Variants in NFYA observed in about 807,000 individuals in gnomAD.
NFYA encodes the protein CAAT-box DNA binding protein subunit A.
NFYA carries 28 observed loss-of-function variants against 52.8 expected under a neutral mutation model. That is an observed-to-expected ratio of 0.53 (90% CI 0.39 to 0.73). NFYA has a LOEUF of 0.73. NFYA is among the 30% of genes least tolerant of loss of function. The pLI is 0.00. For synonymous variants in NFYA, 150 were observed against 150.7 expected, an observed-to-expected ratio of 1.00 and a Z score of 0.03; for missense variants, 234 against 427.0, an observed-to-expected ratio of 0.55 and a Z score of 3.98.
At chr6:41,079,222 C>A in intron 2 of NFYA, 58 bp downstream of exon 2, 1 of 1,513,834 alleles carries the variant, frequency 6.6e-7, no homozygotes, top group Non-Finnish European at 9.2e-7. Flanking sequence ...CAGCACCACT[C>A]AATTGGTTGG....
intron 1 of NFYA, among the ~76,000 whole-genome samples, chr6:41,073,587 G>A (rs1370506080): frequency 4.6e-5 from 7 of 152,046 alleles, no homozygotes; most frequent in Non-Finnish European, 2.9e-5. Context: ...CTCCCAGCGA[G>A]CCGGGTCTGT....
intron 4 of NFYA, among the ~76,000 whole-genome samples, chr6:41,084,782 A>T (rs921188109): frequency 6.6e-6 from 1 of 152,164 alleles, no homozygotes; most frequent in Non-Finnish European, 1.5e-5. Flanking sequence ...GGCCAACATG[A>T]CAAAACCCCA....
At chr6:41,082,180 C>G (rs1436316791) in intron 3 of NFYA, among the ~76,000 whole-genome samples, 1 of 152,194 alleles carries the variant, frequency 6.6e-6, no homozygotes, top group Non-Finnish European at 1.5e-5. Context: ...TCCTTTCAAT[C>G]CCACCCCTAC....
intron 3 of NFYA, 128 bp from the exon 4 acceptor site, chr6:41,083,918 T>C (rs1008826332): frequency 1.4e-5 from 12 of 868,750 alleles, no homozygotes; most frequent in African/African-American, 1.0e-4. Flanking sequence ...TTGAGACATA[T>C]ATTTTCTTAG....
chr6:41,088,423 CAAAAAAA>C (rs34590854), intron 4 of NFYA, among the ~76,000 whole-genome samples: 19 of 64,724 alleles, frequency 2.9e-4, no homozygotes, highest in East Asian at 1.0e-3. Context: ...ACTCCGTCTC[CAAAAAAA>C]AAAAAAAAAA....
chr6:41,082,648 C>T (rs1216029984), intron 3 of NFYA, among the ~76,000 whole-genome samples: 1 of 152,126 alleles, frequency 6.6e-6, no homozygotes, highest in Non-Finnish European at 1.5e-5. Flanking sequence ...TAATAGAAAC[C>T]TTTCCTCTAG....
chr6:41,080,875 A>G lies in NFYA; in HGVS notation c.140A>G (p.Gln47Arg). 6.2e-7 allele frequency: 1 copy of G among 1,614,052 alleles called. No homozygotes were observed. Among genetic ancestry groups the G allele is most frequent in the Non-Finnish European group, 8.5e-7 (1 of 1,179,890 alleles). ...GCCCAGGTGGCATCCGCCTCAGGCCAGCAAGTCCAGACCCTCCAGGTAGTG... is the reference window on the plus strand; with the variant it reads ...GCCCAGGTGGCATCCGCCTCAGGCCGGCAAGTCCAGACCCTCCAGGTAGTG... Reference protein sequence around the residue: ...TEAQVASASGQQVQTLQVVQG... With the variant: ...TEAQVASASGRQVQTLQVVQG... Residue 47 changes from glutamine to arginine, a missense_variant, in exon 3 of 10, where the codon CAG becomes CGG. This residue lies in a region of NFYA where 118 missense variants were observed against 182.4 expected (regional missense o/e 0.65). Coordinates refer to ENST00000341376, the MANE Select transcript of NFYA (RefSeq NM_002505.5).
rs114634567 is a variant in NFYA at position 41,097,551 on chromosome 6, T to A, written c.*141T>A. ...AACCACTTAGTTTTTAATAAGTGGC[T>A]CAGTATTACAATTGCAGCGATGCCT... On this transcript the variant is annotated 3_prime_UTR_variant, in exon 10 of 10. Coordinates refer to ENST00000341376, the MANE Select transcript of NFYA (RefSeq NM_002505.5). The A allele has an allele frequency of 3.7e-6, 3 of 808,760 alleles. No individual in the cohort carries two copies. In the South Asian group the frequency reaches 5.2e-5, roughly 14 times the overall value. The allele number at this position is 808,760 out of a possible 1,614,324, so 50.1% of individuals were successfully genotyped here.
chr6:41,087,009 A>T (rs1280825047), intron 4 of NFYA, among the ~76,000 whole-genome samples: 1 of 152,212 alleles, frequency 6.6e-6, no homozygotes, highest in Non-Finnish European at 1.5e-5. Context: ...AAATAAAAGT[A>T]AACAAGGTGA....
rs538975038 is a variant in NFYA, at chr6:41,084,186, G to T, written c.303G>T (p.Leu101Phe). 1 of 1,613,834 alleles carries T rather than the reference G, an allele frequency of 6.2e-7. No homozygotes were observed. The highest frequency in any genetic ancestry group is 1.3e-5 in the African/African-American group (1 of 75,052). ...MQVPVSGTQG[L>F]QQIQLVPPGQ... is the part of the protein sequence containing the mutation. Reference sequence around the variant, plus strand: ...TACCTGTTTCTGGAACACAGGGTTTGCAGCAAGTGAGTAATATTTAAAAAT... The same window carrying T: ...TACCTGTTTCTGGAACACAGGGTTTTCAGCAAGTGAGTAATATTTAAAAAT... Residue 101 changes from leucine to phenylalanine, a missense_variant, in exon 4 of 10, where the codon TTG (leucine) becomes TTT (phenylalanine). Leu to Phe is a conservative substitution (Grantham distance 22, BLOSUM62 0). Coordinates refer to ENST00000341376, the MANE Select transcript of NFYA (RefSeq NM_002505.5).
At chr6:41,073,734 C>T (rs1252586258) in intron 1 of NFYA, among the ~76,000 whole-genome samples, 1 of 152,110 alleles carries the variant, frequency 6.6e-6, no homozygotes, top group African/African-American at 2.4e-5. Context: ...CCGCTGTCTC[C>T]CTGGTGGGGA....
At position 41,100,817 on chromosome 6, in the gene NFYA, C is replaced by G. The variant is rs1022125185; in HGVS notation, c.*3407C>G. On this transcript the variant is annotated 3_prime_UTR_variant, in exon 10 of 10. Transcript: ENST00000341376. ...TTGCTCCTTTGAAAGCGCAGACCGC[C>G]GCACCTCCAGCCCCTTCTCCCCGGG... 6.6e-6 allele frequency among the ~76,000 whole-genome samples: 1 copy of G among 152,316 alleles called. No individual in the cohort carries two copies. The highest frequency in any genetic ancestry group is 2.1e-4 in the South Asian group (1 of 4,832).
intron 1 of NFYA, among the ~76,000 whole-genome samples, chr6:41,074,618 G>A (rs560978823): frequency 4.3e-4 from 66 of 152,370 alleles, no homozygotes; most frequent in Non-Finnish European, 6.9e-4. Context: ...CACTGTTGGA[G>A]GCAGGAAGAT....
At position 41,097,459 on chromosome 6, in the gene NFYA, C is replaced by G; in HGVS notation, c.*49C>G. ...ATCAAGGTCATGTTTCTCACTGTTC[C>G]AGGAAATTGATCAACTCTTCCAATG... On this transcript the variant is annotated 3_prime_UTR_variant, in exon 10 of 10. Transcript: ENST00000341376. 1.3e-6 allele frequency: 2 copies of G among 1,586,940 alleles called. No individual in the cohort carries two copies. The highest frequency in any genetic ancestry group is 1.7e-6 in the Non-Finnish European group (2 of 1,156,268).
At chr6:41,076,031 A>G (rs1402316796) in intron 1 of NFYA, among the ~76,000 whole-genome samples, 1 of 152,216 alleles carries the variant, frequency 6.6e-6, no homozygotes, top group East Asian at 1.9e-4. Context: ...CTAGTCTTTC[A>G]TCAAGCGTCT....
chr6:41,089,853 C>T (rs1764154098), intron 5 of NFYA, 143 bp downstream of exon 5: 2 of 1,162,450 alleles, frequency 1.7e-6, no homozygotes. Context: ...GGCGCGGTGG[C>T]TCATGCCTGT....
At chr6:41,078,414 A>G (rs1763799796) in intron 1 of NFYA, among the ~76,000 whole-genome samples, 1 of 152,200 alleles carries the variant, frequency 6.6e-6, no homozygotes, top group Non-Finnish European at 1.5e-5. Context: ...AGAAAGACCT[A>G]TCTACATTTT....
intron 1 of NFYA, among the ~76,000 whole-genome samples, chr6:41,074,184 GGTT>G (rs1763660603): frequency 6.6e-6 from 1 of 152,020 alleles, no homozygotes; most frequent in South Asian, 2.1e-4. Flanking sequence ...CTCATCTCTT[GGTT>G]TATGTTTTTC....
intron 1 of NFYA, 41 bp from the exon 2 acceptor site, chr6:41,078,986 ATT>A (rs890113475): frequency 1.8e-4 from 167 of 948,336 alleles, no homozygotes; most frequent in Non-Finnish European, 2.3e-4. Context: ...TAAGGCCTTT[ATT>A]GACAATCTCA....
Sources: gnomAD v4.1 joint callset for allele counts (sites outside exome capture counted in the v4.1 genomes callset) on GRCh38, gnomAD v4.1.1 for gene constraint, gnomAD v4.1.1 regional missense constraint, MANE v1.5 for transcripts, NCBI Gene and HGNC (gene_info 2026-07-23, HGNC 2026-07-21) for gene names.